FGF12: variants seen among roughly 807,000 people sequenced by gnomAD.
FGF12 encodes the protein fibroblast growth factor 12, also known as fibroblast growth factor 12B.
Under a neutral mutation model 23.6 loss-of-function variants are expected in FGF12, and 14 were observed. The ratio of observed to expected loss-of-function variants is 0.59; its 90% CI spans 0.39 to 0.93. FGF12 has a LOEUF of 0.93. Among genes scored for constraint, FGF12 ranks in the 40% least tolerant of loss-of-function variants. The pLI, the probability that FGF12 is intolerant of heterozygous loss-of-function variation, is 0.00. For synonymous variants in FGF12, 62 were observed against 77.3 expected, an observed-to-expected ratio of 0.80 and a Z score of 1.04; for missense variants, 175 against 217.8, an observed-to-expected ratio of 0.80 and a Z score of 1.24.
At chr3:192,421,596 C>T (rs890900947) in intron 2 of FGF12, among the ~76,000 whole-genome samples, 1 of 152,086 alleles carries the variant, frequency 6.6e-6, no homozygotes, top group Non-Finnish European at 1.5e-5. Flanking sequence ...CACATGTTCT[C>T]ACTTATGAGT....
chr3:192,265,535 G>T (rs1308289286), intron 4 of FGF12: 1 of 152,168 alleles, frequency 6.6e-6, no homozygotes, highest in Non-Finnish European at 1.5e-5. Flanking sequence ...GTAGAGCCAT[G>T]AGCAAAGAAC....
At chr3:192,659,661 A>G (rs1716578088) in intron 2 of FGF12, among the ~76,000 whole-genome samples, 1 of 152,210 alleles carries the variant, frequency 6.6e-6, no homozygotes, top group Non-Finnish European at 1.5e-5. Context: ...TCCCAGTGGT[A>G]CAGAAATTCC....
At chr3:192,391,278 C>T (rs1720282676) in intron 2 of FGF12, among the ~76,000 whole-genome samples, 1 of 152,196 alleles carries the variant, frequency 6.6e-6, no homozygotes, top group Non-Finnish European at 1.5e-5. Context: ...AGTTTACATG[C>T]TGTGAAATCT....
intron 4 of FGF12, among the ~76,000 whole-genome samples, chr3:192,245,867 AGTCCTTGCTT>A (rs1437029490): frequency 6.6e-6 from 1 of 152,200 alleles, no homozygotes; most frequent in East Asian, 1.9e-4. Flanking sequence ...CAGACAACAG[AGTCCTTGCTT>A]TTTCGGACCC....
chr3:192,365,593 A>G (rs1718945107), intron 2 of FGF12, among the ~76,000 whole-genome samples: 1 of 152,116 alleles, frequency 6.6e-6, no homozygotes, highest in African/African-American at 2.4e-5. Flanking sequence ...TAAGATAATA[A>G]TTATATTAAA....
At chr3:192,494,087 C>G (rs1034881159) in intron 2 of FGF12, among the ~76,000 whole-genome samples, 1 of 152,186 alleles carries the variant, frequency 6.6e-6, no homozygotes, top group African/African-American at 2.4e-5. Flanking sequence ...TTCTGAAATA[C>G]TTTCTACTAT....
chr3:192,505,884 C>T (rs968592174), intron 2 of FGF12, among the ~76,000 whole-genome samples: 4 of 152,092 alleles, frequency 2.6e-5, no homozygotes, highest in African/African-American at 4.8e-5. Context: ...ACACGAACTT[C>T]GAAGGAGGAG....
chr3:192,658,431 T>C (rs746440076), intron 2 of FGF12, among the ~76,000 whole-genome samples: 1 of 152,202 alleles, frequency 6.6e-6, no homozygotes, highest in African/African-American at 2.4e-5. Context: ...CCAGCAGTTT[T>C]ATTACTTCTG....
chr3:192,218,897 C>A (rs759459111), intron 4 of FGF12, among the ~76,000 whole-genome samples: 3 of 152,186 alleles, frequency 2.0e-5, no homozygotes, highest in Non-Finnish European at 2.9e-5. Flanking sequence ...AGCTCTATGA[C>A]CACAACACAA....
At chr3:192,609,018 G>T (rs1047534103) in intron 2 of FGF12, among the ~76,000 whole-genome samples, 14 of 152,116 alleles carry the variant, frequency 9.2e-5, no homozygotes, top group African/African-American at 3.4e-4. Flanking sequence ...AGAATCTGTA[G>T]TTAGCTAACT....
intron 2 of FGF12, among the ~76,000 whole-genome samples, chr3:192,495,843 A>G (rs1364698845): frequency 6.6e-6 from 1 of 151,920 alleles, no homozygotes; most frequent in African/African-American, 2.4e-5. Context: ...TTATATATAT[A>G]TTTATATACA....
intron 2 of FGF12, among the ~76,000 whole-genome samples, chr3:192,510,518 G>A (rs537123500): frequency 5.9e-5 from 9 of 152,160 alleles, no homozygotes; most frequent in Non-Finnish European, 1.2e-4. Flanking sequence ...TTCATTGCTG[G>A]TGGGACAGCC....
intron 2 of FGF12, among the ~76,000 whole-genome samples, chr3:192,477,712 A>C (rs1435506655): frequency 6.6e-6 from 1 of 152,186 alleles, no homozygotes; most frequent in Non-Finnish European, 1.5e-5. Flanking sequence ...CTGGCATGAA[A>C]AATTAGCTAT....
intron 2 of FGF12, among the ~76,000 whole-genome samples, chr3:192,586,312 G>A (rs1458665919): frequency 6.6e-6 from 1 of 152,156 alleles, no homozygotes; most frequent in Non-Finnish European, 1.5e-5. Flanking sequence ...TGAAGGCTCT[G>A]GATTCCTGCT....
intron 2 of FGF12, among the ~76,000 whole-genome samples, chr3:192,475,626 T>C (rs1204730242): frequency 1.3e-5 from 2 of 152,252 alleles, no homozygotes; most frequent in Non-Finnish European, 2.9e-5. Flanking sequence ...GCCAGAGTGC[T>C]TTAAGTGATT....
At chr3:192,297,587 C>G (rs902857621) in intron 4 of FGF12, among the ~76,000 whole-genome samples, 7 of 152,066 alleles carry the variant, frequency 4.6e-5, no homozygotes, top group Admixed American at 2.0e-4. Context: ...ATAACAATAC[C>G]ACTTAGAATT....
rs142587529 is a variant in FGF12, at chr3:192,325,676, C to T, written c.228+9685G>A. Among the ~76,000 whole-genome samples the T allele has an allele frequency of 2.5e-4, 38 of 152,190 alleles. 1 individual carries two copies. In the South Asian group the frequency reaches 7.0e-3, roughly 28 times the overall value. On this transcript the variant is annotated intron_variant, in intron 4 of 5. Transcript: ENST00000445105. Reference sequence around the variant, plus strand: ...AGATATGCTTGTTTTATAAAGCCTGCGTATCTTTTTAGGATGGAACAGAAT... The same window carrying T: ...AGATATGCTTGTTTTATAAAGCCTGTGTATCTTTTTAGGATGGAACAGAAT...
intron 2 of FGF12, among the ~76,000 whole-genome samples, chr3:192,676,697 C>T (rs1717337833): frequency 6.6e-6 from 1 of 152,100 alleles, no homozygotes; most frequent in African/African-American, 2.4e-5. Context: ...GTATGATTGG[C>T]ATCCTCAGAA....
chr3:192,653,051 CTT>C (rs1338862961), intron 2 of FGF12, among the ~76,000 whole-genome samples: 1 of 152,166 alleles, frequency 6.6e-6, no homozygotes, highest in Admixed American at 6.5e-5. Flanking sequence ...TACTGTTAGC[CTT>C]CTGTAACATC....
Sources: allele counts gnomAD v4.1 joint callset (sites outside exome capture counted in the v4.1 genomes callset), GRCh38; gene constraint gnomAD v4.1.1; transcripts MANE v1.5; gene names NCBI Gene and HGNC (gene_info 2026-07-23, HGNC 2026-07-21).